RNF130: variants seen among roughly 807,000 people sequenced by gnomAD.
The protein encoded by RNF130 is ring finger protein 130, also known as E3 ubiquitin-protein ligase RNF130.
In RNF130, 21 loss-of-function variants were observed where a neutral mutation model predicts 44.6. That is an observed-to-expected ratio of 0.47 (90% CI 0.33 to 0.68). RNF130 has a LOEUF of 0.68. Ranked by LOEUF, RNF130 falls within the 30% of genes least tolerant of loss-of-function variation. RNF130 has a pLI of 0.02. For synonymous variants in RNF130, 214 were observed against 210.4 expected, an observed-to-expected ratio of 1.02 and a Z score of -0.15; for missense variants, 479 against 560.6, an observed-to-expected ratio of 0.85 and a Z score of 1.47.
chr5:180,067,265 C>A (rs1344925769), intron 1 of RNF130, among the ~76,000 whole-genome samples: 1 of 152,120 alleles, frequency 6.6e-6, no homozygotes, highest in Non-Finnish European at 1.5e-5. Context: ...TCTATGTCTT[C>A]ATTCCTATTA....
At chr5:180,041,039 C>T (rs74810404) in intron 1 of RNF130, among the ~76,000 whole-genome samples, 4,426 of 151,966 alleles carry the variant, frequency 0.029, 211 homozygotes, top group African/African-American at 0.1. Flanking sequence ...ATGTACTAGC[C>T]TCTCCACACA....
intron 2 of RNF130, among the ~76,000 whole-genome samples, chr5:180,037,938 C>T (rs1000495561): frequency 6.6e-5 from 10 of 152,156 alleles, no homozygotes; most frequent in African/African-American, 1.7e-4. Context: ...TCAAACTATA[C>T]CCCTGCATTT....
chr5:179,934,817 C>A (rs1175102715), intron 7 of RNF130, among the ~76,000 whole-genome samples: 1 of 152,054 alleles, frequency 6.6e-6, no homozygotes, highest in African/African-American at 2.4e-5. Context: ...TCACGTAATT[C>A]CAGGATTACA....
intron 4 of RNF130, among the ~76,000 whole-genome samples, chr5:179,978,510 G>A (rs1182886275): frequency 6.6e-6 from 1 of 152,024 alleles, no homozygotes; most frequent in Non-Finnish European, 1.5e-5. Flanking sequence ...TATTAATTTT[G>A]TTATGATATG....
chr5:180,058,787 C>T (rs1400714252), intron 1 of RNF130, among the ~76,000 whole-genome samples: 3 of 152,090 alleles, frequency 2.0e-5, no homozygotes, highest in African/African-American at 4.8e-5. Flanking sequence ...GTCTCGAACT[C>T]GTGACCTCAA....
intron 1 of RNF130, among the ~76,000 whole-genome samples, chr5:180,056,225 T>G (rs1764817344): frequency 6.6e-6 from 1 of 150,862 alleles, no homozygotes; most frequent in African/African-American, 2.4e-5. Flanking sequence ...TTAGCCTAAG[T>G]GTTGAGCCTT....
At chr5:179,976,138 A>G (rs762598609) in intron 5 of RNF130, among the ~76,000 whole-genome samples, 7 of 152,214 alleles carry the variant, frequency 4.6e-5, no homozygotes, top group Non-Finnish European at 1.0e-4. Context: ...TGGGCAACAT[A>G]GTGAGACCCC....
intron 2 of RNF130, among the ~76,000 whole-genome samples, chr5:180,021,804 C>G (rs1251607970): frequency 6.6e-6 from 1 of 152,178 alleles, no homozygotes; most frequent in Non-Finnish European, 1.5e-5. Context: ...AAATAAGGAG[C>G]TTAACACTGA....
chr5:180,007,360 C>A (rs1763483597), intron 3 of RNF130, among the ~76,000 whole-genome samples: 1 of 152,178 alleles, frequency 6.6e-6, no homozygotes, highest in Non-Finnish European at 1.5e-5. Flanking sequence ...AAGATCGCGC[C>A]ACTGCACTCC....
At chr5:180,022,812 G>A (rs1031045808) in intron 2 of RNF130, among the ~76,000 whole-genome samples, 2 of 152,168 alleles carry the variant, frequency 1.3e-5, no homozygotes, top group Middle Eastern at 3.2e-3. Flanking sequence ...CTAGTTTTGT[G>A]CCTCTTTCAA....
intron 2 of RNF130, among the ~76,000 whole-genome samples, chr5:180,020,337 G>A (rs776938888): frequency 2.0e-5 from 3 of 152,188 alleles, no homozygotes; most frequent in East Asian, 1.9e-4. Flanking sequence ...GAGGAAGAAC[G>A]CGGTCTGCTG....
At chr5:179,941,140 T>A (rs1262262735) in intron 7 of RNF130, among the ~76,000 whole-genome samples, 2 of 152,336 alleles carry the variant, frequency 1.3e-5, no homozygotes, top group African/African-American at 4.8e-5. Flanking sequence ...TTCTTGTGGA[T>A]CTATTTCTGT....
chr5:179,944,749 C>T (rs959305739), intron 7 of RNF130, among the ~76,000 whole-genome samples: 72 of 150,154 alleles, frequency 4.8e-4, no homozygotes, highest in African/African-American at 1.7e-3. Flanking sequence ...AAAGTGAGAC[C>T]CTGTCTCAAA....
chr5:180,059,430 C>T (rs1302764775), intron 1 of RNF130, among the ~76,000 whole-genome samples: 1 of 152,170 alleles, frequency 6.6e-6, no homozygotes, highest in Non-Finnish European at 1.5e-5. Flanking sequence ...CTTTTACTTC[C>T]CCCCACCAGA....
At chr5:180,046,361 G>A (rs1002709245) in intron 1 of RNF130, among the ~76,000 whole-genome samples, 3 of 152,134 alleles carry the variant, frequency 2.0e-5, no homozygotes, top group African/African-American at 7.2e-5. Context: ...CACCGAGAGC[G>A]AGCAGGGGCT....
At chr5:179,927,926 CAG>C (rs1288834472) in intron 7 of RNF130, among the ~76,000 whole-genome samples, 1 of 152,066 alleles carries the variant, frequency 6.6e-6, no homozygotes. Flanking sequence ...TAAATGGAAA[CAG>C]GGAATATATT....
chr5:179,946,055 G>C (rs1762032940), intron 7 of RNF130, among the ~76,000 whole-genome samples: 1 of 152,204 alleles, frequency 6.6e-6, no homozygotes, highest in South Asian at 2.1e-4. Flanking sequence ...TCCCATCAGC[G>C]TTTCGCTGTC....
intron 5 of RNF130, among the ~76,000 whole-genome samples, chr5:179,976,335 G>A (rs778634564): frequency 7.9e-5 from 12 of 152,164 alleles, no homozygotes; most frequent in Non-Finnish European, 1.8e-4. Context: ...TTGGAGGCCC[G>A]TAGTTTTAGG....
chr5:179,943,662 C>T (rs888769660), intron 7 of RNF130, among the ~76,000 whole-genome samples: 1 of 152,162 alleles, frequency 6.6e-6, no homozygotes, highest in Non-Finnish European at 1.5e-5. Flanking sequence ...AAATAACTTA[C>T]TCAAAATCAT....
Sources: allele counts gnomAD v4.1 joint callset (sites outside exome capture counted in the v4.1 genomes callset), GRCh38; gene constraint gnomAD v4.1.1; transcripts MANE v1.5; gene names NCBI Gene and HGNC (gene_info 2026-07-23, HGNC 2026-07-21).